CACNG5: variants seen among roughly 807,000 people sequenced by gnomAD.
CACNG5 encodes the protein calcium voltage-gated channel auxiliary subunit gamma 5.
A neutral mutation model predicts 24.8 loss-of-function variants in CACNG5; 18 were observed. The observed-to-expected ratio is 0.73, with a 90% CI of 0.50 to 1.08. The LOEUF is 1.08. Ranked by LOEUF, CACNG5 falls within the 50% of genes least tolerant of loss-of-function variation. CACNG5 has a pLI of 0.00. For missense variants in CACNG5, 349 were observed against 367.9 expected (o/e 0.95, Z 0.42); for synonymous variants, 157 against 149.1 (o/e 1.05, Z -0.39).
intron 4 of CACNG5, among the ~76,000 whole-genome samples, chr17:66,882,933 C>CTCCTTCCA (rs1300396337): frequency 7.6e-6 from 1 of 130,880 alleles, no homozygotes; most frequent in Non-Finnish European, 1.6e-5. Flanking sequence ...CTCTTTCTTT[C>CTCCTTCCA]TCCTTCCATC....
chr17:66,856,095 G>C (rs1477934031), intron 1 of CACNG5, among the ~76,000 whole-genome samples: 1 of 152,138 alleles, frequency 6.6e-6, no homozygotes, highest in Non-Finnish European at 1.5e-5. Flanking sequence ...GAGGCATGTT[G>C]GTGGCTTTGA....
chr17:66,847,346 T>C (rs757010466), intron 1 of CACNG5, among the ~76,000 whole-genome samples: 7 of 152,308 alleles, frequency 4.6e-5, no homozygotes, highest in Non-Finnish European at 7.3e-5. Flanking sequence ...GGCTGGATAA[T>C]TTATAAAGAA....
chr17:66,843,541 A>T (rs956449363), intron 1 of CACNG5, among the ~76,000 whole-genome samples: 5 of 152,208 alleles, frequency 3.3e-5, no homozygotes, highest in Middle Eastern at 3.2e-3. Context: ...GATGTGGTGC[A>T]GTCTTGGGCA....
chr17:66,845,187 C>T (rs770042981), intron 1 of CACNG5, among the ~76,000 whole-genome samples: 10 of 152,096 alleles, frequency 6.6e-5, no homozygotes, highest in African/African-American at 1.2e-4. Flanking sequence ...CAAACTAACA[C>T]GGGAACAGAA....
In CACNG5 at chr17:66,885,911, T is replaced by A. The variant is rs1195939617; in HGVS notation, c.*671T>A. On this transcript the variant is annotated 3_prime_UTR_variant, in exon 6 of 6. Transcript: ENST00000533854. ...GCCCTGGGCCCTGGCACTAAGGGAC[T>A]AAGGGTGGCTCTGAGGCCACACTGA... Among the ~76,000 whole-genome samples the A allele has an allele frequency of 6.6e-6, 1 of 152,234 alleles. No homozygotes were observed. The highest frequency in any genetic ancestry group is 2.4e-5 in the African/African-American group (1 of 41,462).
At chr17:66,867,243 T>C (rs572508288) in intron 1 of CACNG5, among the ~76,000 whole-genome samples, 62 of 152,352 alleles carry the variant, frequency 4.1e-4, no homozygotes, top group African/African-American at 1.3e-3. Context: ...TTTTTTCATA[T>C]GTTTGTTGGC....
chr17:66,847,128 G>A (rs1375273582), intron 1 of CACNG5, among the ~76,000 whole-genome samples: 1 of 152,156 alleles, frequency 6.6e-6, no homozygotes, highest in Admixed American at 6.5e-5. Flanking sequence ...AGAAGTCAGA[G>A]GCTTGAGGCT....
intron 4 of CACNG5, among the ~76,000 whole-genome samples, chr17:66,884,013 T>G (rs1279108763): frequency 6.6e-6 from 1 of 151,558 alleles, no homozygotes; most frequent in African/African-American, 2.4e-5. Context: ...GCACCTGTAA[T>G]CCCAGCTACT....
rs550827815 is a variant in CACNG5 at position 66,843,753 on chromosome 17, G to A, written c.-104+8503G>A. On this transcript the variant is annotated intron_variant, in intron 1 of 5. Coordinates refer to ENST00000533854, the MANE Select transcript of CACNG5 (RefSeq NM_145811.3). ...CAGCTGGCATAGTAGTGAAGGTCAG[G>A]TAGAGGGTGCTGCTCCTATCTGGAA... Among the ~76,000 whole-genome samples the A allele has an allele frequency of 3.9e-5, 6 of 152,268 alleles. No individual in the cohort carries two copies. The South Asian group carries it at 1.0e-3, about 26-fold the overall frequency.
intron 1 of CACNG5, among the ~76,000 whole-genome samples, chr17:66,850,187 C>G (rs999485778): frequency 2.6e-5 from 4 of 152,188 alleles, no homozygotes; most frequent in African/African-American, 9.7e-5. Flanking sequence ...TGTGTCTTCC[C>G]TTGAAAGACT....
chr17:66,879,059 G>A lies in CACNG5; in HGVS notation c.283+1G>A, dbSNP rs1242316694. The A allele has an allele frequency of 6.2e-7, 1 of 1,613,340 alleles. No individual in the cohort carries two copies. Among genetic ancestry groups the A allele is most frequent in the African/African-American group, 1.3e-5 (1 of 74,924 alleles). On this transcript the variant is annotated splice_donor_variant, in intron 3 of 5. Transcript: ENST00000533854. LOFTEE classifies it high-confidence loss of function. Reference sequence around the variant, plus strand: ...TCCGAGTCCACGGTCAATGTTCTAAGTAAGTGCCTTGAGTCTGGCAACCTG... The same window carrying A: ...TCCGAGTCCACGGTCAATGTTCTAAATAAGTGCCTTGAGTCTGGCAACCTG...
chr17:66,855,482 A>G (rs1455064822), intron 1 of CACNG5, among the ~76,000 whole-genome samples: 2 of 152,184 alleles, frequency 1.3e-5, no homozygotes, highest in African/African-American at 2.4e-5. Flanking sequence ...CCTTAATTTT[A>G]AAAAGAGGAA....
At chr17:66,859,656 G>C (rs1198928963) in intron 1 of CACNG5, among the ~76,000 whole-genome samples, 1 of 152,052 alleles carries the variant, frequency 6.6e-6, no homozygotes, top group African/African-American at 2.4e-5. Context: ...TCCCTCCCCA[G>C]GCTTCTCCAA....
chr17:66,835,666 A>C (rs994363151), intron 1 of CACNG5, among the ~76,000 whole-genome samples: 1 of 152,172 alleles, frequency 6.6e-6, no homozygotes, highest in Non-Finnish European at 1.5e-5. Context: ...CTGTCGGCCT[A>C]TGCGGGTCCA....
chr17:66,880,421 A>C, intron 3 of CACNG5, 136 bp from the exon 4 acceptor site: 2 of 960,196 alleles, frequency 2.1e-6, no homozygotes, highest in Non-Finnish European at 3.1e-6. Flanking sequence ...TGATGGGGGT[A>C]GAGTCTGGGG....
intron 1 of CACNG5, among the ~76,000 whole-genome samples, chr17:66,867,682 T>C (rs1025973215): frequency 2.0e-5 from 3 of 152,236 alleles, no homozygotes; most frequent in African/African-American, 4.8e-5. Context: ...TTCAGTTTTC[T>C]GCATATGGCT....
chr17:66,880,836 G>A, intron 4 of CACNG5, 139 bp downstream of exon 4: 2 of 867,062 alleles, frequency 2.3e-6, no homozygotes, highest in East Asian at 2.5e-5. Context: ...CCACCTCCCG[G>A]ATTCAAGCAA....
intron 1 of CACNG5, among the ~76,000 whole-genome samples, chr17:66,861,816 C>T (rs867118117): frequency 2.0e-4 from 31 of 152,178 alleles, no homozygotes; most frequent in African/African-American, 7.5e-4. Flanking sequence ...CTCCTAATTG[C>T]CAACAGTTAA....
At chr17:66,849,127 C>G (rs1053845463) in intron 1 of CACNG5, among the ~76,000 whole-genome samples, 1 of 152,204 alleles carries the variant, frequency 6.6e-6, no homozygotes, top group Non-Finnish European at 1.5e-5. Context: ...AACATTTTCC[C>G]CATCTGCCTC....
Sources: gnomAD v4.1 joint callset for allele counts (sites outside exome capture counted in the v4.1 genomes callset) on GRCh38, gnomAD v4.1.1 for gene constraint, MANE v1.5 for transcripts, NCBI Gene and HGNC (gene_info 2026-07-23, HGNC 2026-07-21) for gene names.